NME9: variants seen among roughly 807,000 people sequenced by gnomAD.
The protein encoded by NME9 is NME/NM23 family member 9.
NME9 carries 48 observed loss-of-function variants against 44.4 expected under a neutral mutation model. The ratio of observed to expected loss-of-function variants is 1.08; its 90% CI spans 0.86 to 1.37. The LOEUF (loss-of-function observed/expected upper bound fraction) is 1.37, where lower values mean the gene tolerates loss of function less well. Among genes scored for constraint, NME9 ranks in the 40% most tolerant of loss-of-function variants. The pLI is 0.00. For synonymous variants in NME9, 139 were observed against 147.1 expected (o/e 0.94, Z 0.40); for missense variants, 325 against 405.2 (o/e 0.80, Z 1.70).
At chr3:138,312,948 G>A (rs928459358) in intron 6 of NME9, among the ~76,000 whole-genome samples, 2 of 152,150 alleles carry the variant, frequency 1.3e-5, no homozygotes, top group Non-Finnish European at 2.9e-5. Context: ...GGGCAAAAGA[G>A]CTGAGTAGAC....
chr3:138,297,300 CT>C (rs1004028815), downstream of NME9: 7 of 152,230 alleles, frequency 4.6e-5, no homozygotes, highest in African/African-American at 1.7e-4. Flanking sequence ...CCTGCTCCAA[CT>C]TCTGGGTCAG....
At chr3:138,326,583 G>A (rs949067302) in intron 1 of NME9, among the ~76,000 whole-genome samples, 24 of 151,740 alleles carry the variant, frequency 1.6e-4, no homozygotes, top group African/African-American at 5.3e-4. Flanking sequence ...ACAAGTGCCC[G>A]CTACCACACC....
At position 138,329,669 on chromosome 3, in the gene NME9, C is replaced by G; in HGVS notation, c.-334G>C. The G allele has an allele frequency of 8.1e-7, 1 of 1,230,350 alleles. No individual in the cohort carries two copies. Among genetic ancestry groups the G allele is most frequent in the South Asian group, 2.4e-5 (1 of 42,266 alleles). The allele number at this position is 1,230,350 out of a possible 1,614,324, so 76.2% of individuals were successfully genotyped here. On this transcript the variant is annotated 5_prime_UTR_variant, in exon 1 of 11. Transcript: ENST00000333911. Reference sequence around the variant, plus strand: ...AGTCAGTGCGCCGGGCGCGGTGCAGCCTGTCGGGCACAGGGTCGCCAGTCG... The same window carrying G: ...AGTCAGTGCGCCGGGCGCGGTGCAGGCTGTCGGGCACAGGGTCGCCAGTCG...
intron 8 of NME9, among the ~76,000 whole-genome samples, chr3:138,272,559 G>A (rs2048894854): frequency 6.6e-6 from 1 of 152,136 alleles, no homozygotes; most frequent in South Asian, 2.1e-4. Context: ...AAGATTTTCT[G>A]CAGATTCTGT....
At chr3:138,291,596 A>G (rs1156487950) in intron 8 of NME9, among the ~76,000 whole-genome samples, 1 of 152,248 alleles carries the variant, frequency 6.6e-6, no homozygotes, top group African/African-American at 2.4e-5. Flanking sequence ...GTAACACAGT[A>G]TCAGGTGATG....
chr3:138,317,887 G>T (rs1412554384), intron 4 of NME9, among the ~76,000 whole-genome samples: 2 of 152,140 alleles, frequency 1.3e-5, no homozygotes. Flanking sequence ...CACCTCCTTG[G>T]GCACAGGGCC....
At chr3:138,309,370 AAAG>A (rs2052529672) in intron 6 of NME9, among the ~76,000 whole-genome samples, 1 of 152,192 alleles carries the variant, frequency 6.6e-6, no homozygotes, top group South Asian at 2.1e-4. Flanking sequence ...TAATATGCAA[AAAG>A]AAGACATTTG....
At chr3:138,295,924 C>T (rs1317101425) in intron 8 of NME9, 1 of 1,610,784 alleles carries the variant, frequency 6.2e-7, no homozygotes, top group Non-Finnish European at 8.5e-7. Flanking sequence ...GCGAGCATCC[C>T]ACCTCCTTGT....
rs73867060 is a variant in NME9 at position 138,329,840 on chromosome 3, G to A, written c.-505C>T. 536 of 986,000 alleles carry A rather than the reference G, an allele frequency of 5.4e-4. 2 individuals are homozygous for A. The African/African-American group carries it at 8.7e-3, about 16-fold the overall frequency. The allele number at this position is 986,000 out of a possible 1,614,324, so 61.1% of individuals were successfully genotyped here. ...ACCGAGTCTGCCGCGACCTAGCCGC[G>A]GTCGTCATGGCAACCTGGCCCCCCC... On this transcript the variant is annotated 5_prime_UTR_variant, in exon 1 of 11. Transcript: ENST00000333911.
intron 8 of NME9, chr3:138,295,835 C>T: frequency 6.2e-7 from 1 of 1,613,120 alleles, no homozygotes; most frequent in Non-Finnish European, 8.5e-7. Context: ...GAGATGATGG[C>T]TAACAGGAAT....
At chr3:138,295,258 A>G (rs1409529541) in intron 8 of NME9, among the ~76,000 whole-genome samples, 1 of 152,064 alleles carries the variant, frequency 6.6e-6, no homozygotes, top group Non-Finnish European at 1.5e-5. Context: ...GTAACAACAC[A>G]CATCTCACAT....
intron 8 of NME9, chr3:138,295,775 C>G: frequency 6.7e-7 from 1 of 1,497,856 alleles, no homozygotes; most frequent in Non-Finnish European, 9.2e-7. Context: ...TTTAGACTTC[C>G]CCAGCTATCA....
rs145346365 is a variant in NME9, at chr3:138,301,668, G to A, written c.965C>T (p.Ala322Val). The A allele has an allele frequency of 4.4e-4, 675 of 1,536,078 alleles. 5 individuals carry two copies. The African/African-American group carries it at 6.8e-3, about 15-fold the overall frequency. ...EAEATAGPTE[A>V]LCFPEDVD ...ATCCACATCCTCAGGAAAGCAAAGC[G>A]CCTCAGTGGGCCCCGCTGTTGCTTC... is the stretch of plus-strand genomic sequence containing the variant. The change falls in exon 11 of 11, where the codon GCG becomes GTG. Residue 322 changes from alanine to valine, a missense_variant. Coordinates refer to ENST00000333911, the MANE Select transcript of NME9 (RefSeq NM_001349018.2).
chr3:138,282,931 A>G (rs2050077474), intron 8 of NME9, among the ~76,000 whole-genome samples: 1 of 152,212 alleles, frequency 6.6e-6, no homozygotes, highest in Non-Finnish European at 1.5e-5. Flanking sequence ...AAGAAATTTA[A>G]GACAGTTTCA....
chr3:138,304,940 C>G lies in NME9; in HGVS notation c.724G>C (p.Val242Leu), dbSNP rs1404050957. The change falls in exon 9 of 11, where the codon GTC becomes CTC. Residue 242 changes from valine (V) to leucine (L), a missense_variant. By Grantham distance (32) the Val-to-Leu change is conservative. Coordinates refer to ENST00000333911, the MANE Select transcript of NME9 (RefSeq NM_001349018.2). ...LTRTEGFEDV[V>L]TTWRTVMGPR... is the part of the protein sequence containing the mutation. ...CCCATGACGGTTCGCCAGGTAGTGA[C>G]CACGTCCTCGAAGCCCTCAGTCCTG... The G allele has an allele frequency of 6.2e-7, 1 of 1,614,158 alleles. No individual in the cohort carries two copies. The highest frequency in any genetic ancestry group is 8.5e-7 in the Non-Finnish European group (1 of 1,180,010).
chr3:138,282,902 TTAGAG>T lies in NME9; in HGVS notation c.746-20321_746-20317del, dbSNP rs2050075684. On this transcript the variant is annotated intron_variant, in intron 8 of 8. Coordinates refer to the NME9 transcript ENST00000317876. ...AGAGTGCAGATTATTATTGATTTCCTTAGAGTATTGTTCCTACCAAGAAATTTAAG... is the reference window on the plus strand; with the variant it reads ...AGAGTGCAGATTATTATTGATTTCCTTATTGTTCCTACCAAGAAATTTAAG... Among the ~76,000 whole-genome samples, 3 of 152,168 alleles carry T rather than the reference TTAGAG, an allele frequency of 2.0e-5. No individual in the cohort carries two copies. The South Asian group carries it at 6.2e-4, about 31-fold the overall frequency.
intron 8 of NME9, chr3:138,270,126 T>C: frequency 6.2e-7 from 1 of 1,606,280 alleles, no homozygotes; most frequent in Non-Finnish European, 8.5e-7. Context: ...GAATTTGGGC[T>C]TTAATGGTAC....
chr3:138,262,599 A>T, intron 8 of NME9: 1 of 909,358 alleles, frequency 1.1e-6, no homozygotes, highest in Non-Finnish European at 1.5e-6. Flanking sequence ...GAGGAGATTA[A>T]AAAAAAAAAA....
At chr3:138,290,266 G>T (rs1560058091) in intron 8 of NME9, among the ~76,000 whole-genome samples, 2 of 152,186 alleles carry the variant, frequency 1.3e-5, no homozygotes, top group Non-Finnish European at 2.9e-5. Context: ...CCAGGCTGAA[G>T]AATCTCACCT....
Sources: allele counts gnomAD v4.1 joint callset (sites outside exome capture counted in the v4.1 genomes callset), GRCh38; gene constraint gnomAD v4.1.1; transcripts MANE v1.5; gene names NCBI Gene and HGNC (gene_info 2026-07-23, HGNC 2026-07-21).